Variants in LRRTM4 observed in about 807,000 individuals in gnomAD.
The protein encoded by LRRTM4 is leucine-rich repeat transmembrane neuronal protein 4.
Under a neutral mutation model 47.6 loss-of-function variants are expected in LRRTM4, and 25 were observed. That is an observed-to-expected ratio of 0.53 (90% CI 0.38 to 0.73). LRRTM4 has a LOEUF of 0.73. LRRTM4 is among the 30% of genes least tolerant of loss of function. LRRTM4 has a pLI of 0.00. For missense variants in LRRTM4, 638 were observed against 713.4 expected (o/e 0.89, Z 1.20); for synonymous variants, 311 against 269.5 (o/e 1.15, Z -1.51).
chr2:77,378,530 G>A (rs1294827565), intron 3 of LRRTM4, among the ~76,000 whole-genome samples: 1 of 152,016 alleles, frequency 6.6e-6, no homozygotes, highest in African/African-American at 2.4e-5. Flanking sequence ...CAACAATTGG[G>A]TAATTTTTGA....
At chr2:77,286,405 T>C (rs1293507193) in intron 3 of LRRTM4, among the ~76,000 whole-genome samples, 1 of 152,002 alleles carries the variant, frequency 6.6e-6, no homozygotes, top group Non-Finnish European at 1.5e-5. Flanking sequence ...TAATTATTAA[T>C]AATCATACTC....
chr2:77,484,468 G>T (rs1266650056), intron 3 of LRRTM4, among the ~76,000 whole-genome samples: 2 of 152,200 alleles, frequency 1.3e-5, no homozygotes. Flanking sequence ...ACTTGAGATT[G>T]CAAAGAGGTG....
chr2:77,067,569 A>T (rs904620331), intron 3 of LRRTM4, among the ~76,000 whole-genome samples: 6 of 152,092 alleles, frequency 3.9e-5, no homozygotes, highest in African/African-American at 1.4e-4. Context: ...AAAACAGATC[A>T]ATGATTTAGA....
intron 3 of LRRTM4, among the ~76,000 whole-genome samples, chr2:77,140,267 C>G (rs1371896643): frequency 6.6e-6 from 1 of 152,038 alleles, no homozygotes; most frequent in Non-Finnish European, 1.5e-5. Context: ...GTACTGGTAC[C>G]AAAACAAAGA....
intron 3 of LRRTM4, among the ~76,000 whole-genome samples, chr2:77,099,997 A>G (rs1670910806): frequency 6.6e-6 from 1 of 152,144 alleles, no homozygotes; most frequent in South Asian, 2.1e-4. Context: ...TCTTTTCTAC[A>G]AATTGTTCTT....
chr2:77,020,289 G>T (rs1678220268), intron 3 of LRRTM4, among the ~76,000 whole-genome samples: 1 of 152,064 alleles, frequency 6.6e-6, no homozygotes, highest in Non-Finnish European at 1.5e-5. Context: ...GTAAGAAATG[G>T]CCTCACAATA....
chr2:77,516,788 G>A, intron 3 of LRRTM4: 4 of 975,484 alleles, frequency 4.1e-6, no homozygotes, highest in Non-Finnish European at 3.7e-6. Flanking sequence ...AGAAGAAAAT[G>A]AATTCTTTGA....
chr2:77,123,602 A>G (rs900981912), intron 3 of LRRTM4, among the ~76,000 whole-genome samples: 1 of 152,090 alleles, frequency 6.6e-6, no homozygotes, highest in Non-Finnish European at 1.5e-5. Context: ...GAAGGAAAAA[A>G]ATCGCTTTTT....
chr2:77,307,542 TCTATATATTATAGAAATATA>T (rs1677317351), intron 3 of LRRTM4, among the ~76,000 whole-genome samples: 2 of 138,184 alleles, frequency 1.4e-5, no homozygotes, highest in African/African-American at 5.3e-5. Context: ...TATAGATATA[TCTATATATTATAGAAATATA>T]AATATATAGA....
intron 3 of LRRTM4, among the ~76,000 whole-genome samples, chr2:76,867,063 T>C (rs1672488992): frequency 1.3e-5 from 2 of 151,644 alleles, no homozygotes; most frequent in Admixed American, 1.3e-4. Flanking sequence ...ACAACGTCTG[T>C]TAGGGGGTGG....
chr2:76,916,753 A>C (rs1290434743), intron 3 of LRRTM4, among the ~76,000 whole-genome samples: 1 of 152,004 alleles, frequency 6.6e-6, no homozygotes, highest in Non-Finnish European at 1.5e-5. Context: ...GATCCACAAA[A>C]CTCCGATGTG....
rs187926590 is a variant in LRRTM4 at position 76,749,174 on chromosome 2, T to C, written c.1552-258A>G. On this transcript the variant is annotated intron_variant, in intron 3 of 3. Transcript: ENST00000409884. ...TTGCTCTAGCTAGCTAGCTAGCCAT[T>C]GCAATAACAGAAAGTTAGAAACAAC... Among the ~76,000 whole-genome samples the C allele has an allele frequency of 6.7e-3, 1,017 of 152,282 alleles. 12 individuals carry two copies. Among genetic ancestry groups the C allele is most frequent in the African/African-American group, 0.022 (931 of 41,550 alleles).
At chr2:77,059,438 G>A (rs747559077) in intron 3 of LRRTM4, among the ~76,000 whole-genome samples, 2 of 151,506 alleles carry the variant, frequency 1.3e-5, no homozygotes, top group Admixed American at 1.3e-4. Flanking sequence ...GAAACTAAAT[G>A]TAATGGCTTA....
intron 3 of LRRTM4, among the ~76,000 whole-genome samples, chr2:76,945,727 C>A (rs1675300753): frequency 6.7e-6 from 1 of 150,248 alleles, no homozygotes; most frequent in South Asian, 2.1e-4. Flanking sequence ...TGAAATATGT[C>A]AAGCATTCAG....
At chr2:77,168,479 A>G (rs542093053) in intron 3 of LRRTM4, among the ~76,000 whole-genome samples, 1 of 152,210 alleles carries the variant, frequency 6.6e-6, no homozygotes, top group East Asian at 1.9e-4. Context: ...TTTGATATAT[A>G]TGTACAATGT....
intron 3 of LRRTM4, among the ~76,000 whole-genome samples, chr2:77,480,296 T>C (rs1677622421): frequency 6.6e-6 from 1 of 152,168 alleles, no homozygotes; most frequent in Non-Finnish European, 1.5e-5. Context: ...GCAAAATATC[T>C]CCAACACGAT....
intron 3 of LRRTM4, among the ~76,000 whole-genome samples, chr2:77,402,091 A>G (rs1461376139): frequency 6.6e-6 from 1 of 152,022 alleles, no homozygotes; most frequent in Non-Finnish European, 1.5e-5. Flanking sequence ...TAAAAATATT[A>G]TGCATTTCAC....
intron 3 of LRRTM4, among the ~76,000 whole-genome samples, chr2:77,070,903 C>T (rs1680132712): frequency 1.3e-5 from 2 of 152,144 alleles, no homozygotes; most frequent in Admixed American, 1.3e-4. Context: ...CAGGTGTGAG[C>T]CACTGTGCCT....
intron 3 of LRRTM4, among the ~76,000 whole-genome samples, chr2:77,069,975 G>A (rs1680096760): frequency 6.6e-6 from 1 of 152,050 alleles, no homozygotes; most frequent in Non-Finnish European, 1.5e-5. Context: ...CTTAGGCCTG[G>A]CAAGCTCCAG....
Sources: gnomAD v4.1 joint callset for allele counts (sites outside exome capture counted in the v4.1 genomes callset) on GRCh38, gnomAD v4.1.1 for gene constraint, MANE v1.5 for transcripts, NCBI Gene and HGNC (gene_info 2026-07-23, HGNC 2026-07-21) for gene names.